ST8SIA4: variants seen among roughly 807,000 people sequenced by gnomAD.
The protein encoded by ST8SIA4 is CMP-N-acetylneuraminate-poly-alpha-2,8-sialyltransferase.
A neutral mutation model predicts 33.9 loss-of-function variants in ST8SIA4; 15 were observed. That is an observed-to-expected ratio of 0.44 (90% confidence interval 0.30 to 0.68). The LOEUF is 0.68. Among genes scored for constraint, ST8SIA4 ranks in the 30% least tolerant of loss-of-function variants. ST8SIA4 has a pLI of 0.10. For synonymous variants in ST8SIA4, 171 were observed against 151.2 expected (o/e 1.13, Z -0.96); for missense variants, 321 against 428.0 (o/e 0.75, Z 2.21).
intron 4 of ST8SIA4, among the ~76,000 whole-genome samples, chr5:100,824,298 T>C (rs1751095395): frequency 6.6e-6 from 1 of 152,148 alleles, no homozygotes; most frequent in African/African-American, 2.4e-5. Context: ...GAATCTAGGG[T>C]ATATAGAGGT....
At chr5:100,886,048 G>A in intron 3 of ST8SIA4, 1 of 1,110,324 alleles carries the variant, frequency 9.0e-7, no homozygotes. Context: ...TAAGAAAAAA[G>A]TTTGTGTGGA....
At chr5:100,832,967 C>A (rs1751292103) in intron 4 of ST8SIA4, among the ~76,000 whole-genome samples, 1 of 152,114 alleles carries the variant, frequency 6.6e-6, no homozygotes, top group South Asian at 2.1e-4. Context: ...GAAAGTAATT[C>A]TTCCCTTTAT....
intron 1 of ST8SIA4, chr5:100,900,596 G>A: frequency 1.4e-5 from 6 of 433,642 alleles, no homozygotes; most frequent in South Asian, 9.8e-5. Flanking sequence ...CCAACTCCTT[G>A]CACAGTCTTG....
intron 4 of ST8SIA4, among the ~76,000 whole-genome samples, chr5:100,815,526 A>G (rs1465581950): frequency 2.0e-5 from 3 of 149,268 alleles, no homozygotes; most frequent in Non-Finnish European, 4.5e-5. Context: ...TCTGGACTTT[A>G]TGTGTTAATA....
chr5:100,853,539 T>C (rs907231172), intron 4 of ST8SIA4, among the ~76,000 whole-genome samples: 12 of 152,186 alleles, frequency 7.9e-5, no homozygotes, highest in South Asian at 4.1e-4. Context: ...AAAAAAAGCA[T>C]ACCATTCCTT....
At chr5:100,829,079 T>C (rs1751199796) in intron 4 of ST8SIA4, among the ~76,000 whole-genome samples, 1 of 152,216 alleles carries the variant, frequency 6.6e-6, no homozygotes, top group South Asian at 2.1e-4. Flanking sequence ...TCTTTACCTA[T>C]AAACTGCGAA....
intron 4 of ST8SIA4, among the ~76,000 whole-genome samples, chr5:100,852,435 T>A (rs1317241124): frequency 3.6e-5 from 2 of 54,798 alleles, no homozygotes; most frequent in Non-Finnish European, 8.7e-5. Context: ...AATTGCTCCA[T>A]TCTTTATTAA....
chr5:100,812,540 T>C (rs1580444711), intron 4 of ST8SIA4, among the ~76,000 whole-genome samples: 1 of 152,142 alleles, frequency 6.6e-6, no homozygotes, highest in East Asian at 1.9e-4. Context: ...ACTATGCCTA[T>C]AGATTTTCAA....
At chr5:100,813,778 T>C (rs1251899284) in intron 4 of ST8SIA4, among the ~76,000 whole-genome samples, 1 of 151,940 alleles carries the variant, frequency 6.6e-6, no homozygotes, top group Non-Finnish European at 1.5e-5. Flanking sequence ...ATTGTGAATA[T>C]GTATGGTTGC....
At chr5:100,877,895 T>G (rs1477442760) in intron 3 of ST8SIA4, among the ~76,000 whole-genome samples, 1 of 152,222 alleles carries the variant, frequency 6.6e-6, no homozygotes, top group Admixed American at 6.5e-5. Flanking sequence ...GAAAATGGGT[T>G]GGCATTGGAT....
chr5:100,894,127 A>G (rs1241961370), intron 2 of ST8SIA4, among the ~76,000 whole-genome samples: 1 of 152,128 alleles, frequency 6.6e-6, no homozygotes, highest in Non-Finnish European at 1.5e-5. Context: ...GGTATCATGA[A>G]AGATGTGAGC....
chr5:100,871,831 A>C (rs1752202908), intron 3 of ST8SIA4, among the ~76,000 whole-genome samples: 1 of 152,036 alleles, frequency 6.6e-6, no homozygotes, highest in Admixed American at 6.6e-5. Flanking sequence ...TAATAGGCCT[A>C]TTATTATTGA....
intron 4 of ST8SIA4, chr5:100,849,017 T>C (rs1296925971): frequency 3.0e-6 from 2 of 672,048 alleles, no homozygotes; most frequent in Non-Finnish European, 3.7e-6. Flanking sequence ...TGTTGAAACA[T>C]GTAAAGAATA....
chr5:100,848,670 A>C (rs1451241682), intron 4 of ST8SIA4, among the ~76,000 whole-genome samples: 1 of 150,330 alleles, frequency 6.7e-6, no homozygotes, highest in Non-Finnish European at 1.5e-5. Context: ...ATATGTATGT[A>C]TACTAATTTT....
chr5:100,882,221 A>C (rs1256024191), intron 3 of ST8SIA4, among the ~76,000 whole-genome samples: 8 of 152,186 alleles, frequency 5.3e-5, no homozygotes, highest in Admixed American at 5.2e-4. Flanking sequence ...GTGGTCTCAG[A>C]TGGAGATGAG....
rs1750765906 is a variant in ST8SIA4, at chr5:100,809,340, C to A, written c.*2507G>T. 6.7e-6 allele frequency: 1 copy of A among 150,106 alleles called. No homozygotes were observed. The highest frequency in any genetic ancestry group is 1.5e-5 in the Non-Finnish European group (1 of 67,794). The allele number at this position is 150,106 out of a possible 1,614,324, so 9.3% of individuals were successfully genotyped here. On this transcript the variant is annotated 3_prime_UTR_variant, in exon 5 of 5. Transcript: ENST00000231461. ...TGGTGGGCGCCTGTAACCCCAGCTA[C>A]TTGGGAGGCTGAGGCACGAGAATCA... is the stretch of plus-strand genomic sequence containing the variant.
At chr5:100,879,052 A>G (rs1388382354) in intron 3 of ST8SIA4, among the ~76,000 whole-genome samples, 1 of 152,198 alleles carries the variant, frequency 6.6e-6, no homozygotes, top group East Asian at 1.9e-4. Flanking sequence ...TATTTTTGGA[A>G]AGTAGTAAAA....
At chr5:100,829,201 A>G (rs983141714) in intron 4 of ST8SIA4, among the ~76,000 whole-genome samples, 1 of 152,130 alleles carries the variant, frequency 6.6e-6, no homozygotes, top group African/African-American at 2.4e-5. Context: ...GTACCCAGTG[A>G]GCCCCTACAA....
At position 100,810,674 on chromosome 5, in the gene ST8SIA4, A is replaced by G. The variant is rs1470379921; in HGVS notation, c.*1173T>C. 8 of 152,628 alleles carry G rather than the reference A, an allele frequency of 5.2e-5. No individual in the cohort carries two copies. The highest frequency in any genetic ancestry group is 1.9e-4 in the African/African-American group (8 of 41,454). The allele number at this position is 152,628 out of a possible 1,614,324, so 9.5% of individuals were successfully genotyped here. On this transcript the variant is annotated 3_prime_UTR_variant, in exon 5 of 5. Transcript: ENST00000231461. ...TTCATGTTAATAATATATTATTTTC[A>G]TGAAAGAAAAATGGTTTGCTGTGTA...
Sources: allele counts gnomAD v4.1 joint callset (sites outside exome capture counted in the v4.1 genomes callset), GRCh38; gene constraint gnomAD v4.1.1; transcripts MANE v1.5; gene names NCBI Gene and HGNC (gene_info 2026-07-23, HGNC 2026-07-21).